OXR1: variants seen among roughly 807,000 people sequenced by gnomAD.
The protein encoded by OXR1 is oxidation resistance 1, also known as oxidation resistance protein 1.
Under a neutral mutation model 104.6 loss-of-function variants are expected in OXR1, and 41 were observed. The ratio of observed to expected loss-of-function variants is 0.39; its 90% CI spans 0.31 to 0.51. OXR1 has a LOEUF of 0.51. Ranked by LOEUF, OXR1 falls within the 20% of genes least tolerant of loss-of-function variation. OXR1 has a pLI of 0.77. For missense variants in OXR1, 955 were observed against 1,031.9 expected (o/e 0.93, Z 1.02); for synonymous variants, 348 against 348.4 (o/e 1.00, Z 0.01).
intron 2 of OXR1, among the ~76,000 whole-genome samples, chr8:106,464,564 G>C (rs1460506326): frequency 6.6e-6 from 1 of 151,804 alleles, no homozygotes; most frequent in African/African-American, 2.4e-5. Context: ...CTTTCGACGT[G>C]ACAAATGTCA....
chr8:106,476,480 A>G (rs1232562819), intron 2 of OXR1, among the ~76,000 whole-genome samples: 3 of 151,928 alleles, frequency 2.0e-5, no homozygotes, highest in African/African-American at 2.4e-5. Flanking sequence ...GGCAGTCCTG[A>G]TTATAAACCT....
At chr8:106,552,192 G>C (rs1815895492) in intron 3 of OXR1, among the ~76,000 whole-genome samples, 1 of 152,084 alleles carries the variant, frequency 6.6e-6, no homozygotes, top group Admixed American at 6.5e-5. Flanking sequence ...TTCATAGTTT[G>C]AGATACTAAG....
chr8:106,292,005 G>A (rs1001950025), intron 1 of OXR1, among the ~76,000 whole-genome samples: 10 of 152,198 alleles, frequency 6.6e-5, no homozygotes. Flanking sequence ...ATGAGATTTG[G>A]ATGGGGACAC....
At chr8:106,358,956 T>TAAATA (rs1816112681) in intron 1 of OXR1, among the ~76,000 whole-genome samples, 10 of 150,486 alleles carry the variant, frequency 6.6e-5, no homozygotes, top group African/African-American at 2.5e-4. Context: ...TTCACCGTCT[T>TAAATA]ATTTAGCGAA....
intron 7 of OXR1, among the ~76,000 whole-genome samples, chr8:106,701,866 A>G (rs1347941793): frequency 2.6e-5 from 4 of 152,258 alleles, no homozygotes; most frequent in Non-Finnish European, 2.9e-5. Context: ...AAAGTATTCA[A>G]TAAATATTCA....
intron 3 of OXR1, among the ~76,000 whole-genome samples, chr8:106,589,340 C>CTTT (rs71562109): frequency 0.013 from 1,811 of 137,056 alleles, 27 homozygotes; most frequent in Middle Eastern, 0.022. Flanking sequence ...GCCCTGGAGC[C>CTTT]TTTTTTTTTT....
chr8:106,625,991 A>G (rs1320986385), intron 3 of OXR1, among the ~76,000 whole-genome samples: 1 of 151,822 alleles, frequency 6.6e-6, no homozygotes, highest in Non-Finnish European at 1.5e-5. Flanking sequence ...TATAATTTTT[A>G]GAATTAAAAA....
At chr8:106,704,883 AAT>A (rs2131367368) in intron 8 of OXR1, among the ~76,000 whole-genome samples, 1 of 152,292 alleles carries the variant, frequency 6.6e-6, no homozygotes, top group East Asian at 1.9e-4. Context: ...AATATCTTTA[AAT>A]TCTGCCTTAT....
At chr8:106,700,494 G>C (rs1044598098) in intron 7 of OXR1, among the ~76,000 whole-genome samples, 3 of 152,152 alleles carry the variant, frequency 2.0e-5, no homozygotes, top group African/African-American at 7.2e-5. Context: ...GAATATATCA[G>C]TGTGTCTTTT....
At chr8:106,286,243 A>G (rs1812495213) in intron 1 of OXR1, among the ~76,000 whole-genome samples, 1 of 148,764 alleles carries the variant, frequency 6.7e-6, no homozygotes. Context: ...ATTAGTCAAA[A>G]CAAAACAAAA....
At chr8:106,657,201 T>C (rs1050399087) in intron 3 of OXR1, among the ~76,000 whole-genome samples, 1 of 152,084 alleles carries the variant, frequency 6.6e-6, no homozygotes. Context: ...ACTGGGATCA[T>C]AGAATGTCCA....
At chr8:106,359,402 T>G (rs2130337224) in intron 1 of OXR1, 74 bp from the exon 2 acceptor site, 1 of 524,280 alleles carries the variant, frequency 1.9e-6, no homozygotes, top group African/African-American at 1.9e-5. Context: ...AACCATTGAT[T>G]TGGATGAAAT....
chr8:106,498,461 T>C (rs1811559774), intron 2 of OXR1, among the ~76,000 whole-genome samples: 1 of 152,182 alleles, frequency 6.6e-6, no homozygotes, highest in Non-Finnish European at 1.5e-5. Context: ...CATGAGACAA[T>C]TTGCAGCCCA....
At chr8:106,315,716 C>T (rs186716951) in intron 1 of OXR1, among the ~76,000 whole-genome samples, 48 of 152,184 alleles carry the variant, frequency 3.2e-4, no homozygotes, top group African/African-American at 1.1e-3. Flanking sequence ...TTCTCCATTT[C>T]GTAGAAAGGA....
intron 3 of OXR1, among the ~76,000 whole-genome samples, chr8:106,647,152 C>A (rs959610489): frequency 1.3e-5 from 2 of 152,144 alleles, no homozygotes; most frequent in Non-Finnish European, 1.5e-5. Flanking sequence ...GACTGCCATG[C>A]AGTGTTTTTC....
intron 1 of OXR1, among the ~76,000 whole-genome samples, chr8:106,355,740 G>A (rs1208307944): frequency 1.3e-5 from 2 of 151,512 alleles, no homozygotes; most frequent in Non-Finnish European, 2.9e-5. Context: ...CAGAAAAAAT[G>A]CAATTCTTTA....
At chr8:106,689,095 G>A (rs1383272155) in intron 6 of OXR1, among the ~76,000 whole-genome samples, 2 of 152,076 alleles carry the variant, frequency 1.3e-5, no homozygotes, top group African/African-American at 4.8e-5. Flanking sequence ...AATTGGGTGG[G>A]TTACAACAAA....
chr8:106,322,085 G>A (rs776713420), intron 1 of OXR1, among the ~76,000 whole-genome samples: 4 of 152,156 alleles, frequency 2.6e-5, no homozygotes, highest in Non-Finnish European at 5.9e-5. Context: ...AACAAGAGGG[G>A]CATTGCTTTT....
At chr8:106,648,729 A>AT (rs199902426) in intron 3 of OXR1, among the ~76,000 whole-genome samples, 4 of 152,056 alleles carry the variant, frequency 2.6e-5, no homozygotes, top group East Asian at 3.9e-4. Flanking sequence ...TAGCTCCTAC[A>AT]TTTTTTTTGG....
Sources: allele counts gnomAD v4.1 joint callset (sites outside exome capture counted in the v4.1 genomes callset), GRCh38; gene constraint gnomAD v4.1.1; transcripts MANE v1.5; gene names NCBI Gene and HGNC (gene_info 2026-07-23, HGNC 2026-07-21).